The following CADM1 variants were observed in gnomAD, a reference collection of about 807,000 sequenced individuals.
CADM1 encodes the protein cell adhesion molecule 1, also known as TSLC-1.
A neutral mutation model predicts 53.1 loss-of-function variants in CADM1; 15 were observed. The ratio of observed to expected loss-of-function variants is 0.28; its 90% CI spans 0.19 to 0.44. The LOEUF is 0.44. CADM1 is among the 20% of genes least tolerant of loss of function. The pLI is 1.00. For synonymous variants in CADM1, 281 were observed against 243.0 expected (o/e 1.16, Z -1.45); for missense variants, 434 against 611.3 (o/e 0.71, Z 3.06).
At chr11:115,442,793 A>T (rs1302927054) in intron 1 of CADM1, among the ~76,000 whole-genome samples, 2 of 152,162 alleles carry the variant, frequency 1.3e-5, no homozygotes, top group African/African-American at 4.8e-5. Flanking sequence ...GAAACAGGAG[A>T]CTACAGTCAT....
intron 10 of CADM1, among the ~76,000 whole-genome samples, chr11:115,179,720 G>A (rs1364267968): frequency 6.6e-6 from 1 of 151,888 alleles, no homozygotes; most frequent in Non-Finnish European, 1.5e-5. Flanking sequence ...CTAAACCATT[G>A]TCTTTTTTTT....
At chr11:115,220,254 CAAT>C (rs1941356239) in intron 5 of CADM1, among the ~76,000 whole-genome samples, 1 of 152,088 alleles carries the variant, frequency 6.6e-6, no homozygotes, top group African/African-American at 2.4e-5. Flanking sequence ...CAACTTCCAT[CAAT>C]AATAAAGACA....
intron 1 of CADM1, among the ~76,000 whole-genome samples, chr11:115,280,096 T>C (rs753410274): frequency 1.6e-4 from 25 of 152,226 alleles, no homozygotes; most frequent in South Asian, 4.1e-4. Context: ...CAGTTAAGGA[T>C]GTGAATCTTG....
At chr11:115,328,871 G>A (rs774477467) in intron 1 of CADM1, among the ~76,000 whole-genome samples, 14 of 147,496 alleles carry the variant, frequency 9.5e-5, no homozygotes, top group African/African-American at 3.2e-4. Flanking sequence ...AGGAAAGAAA[G>A]AAGAACAGTT....
At chr11:115,374,861 G>C (rs531727359) in intron 1 of CADM1, among the ~76,000 whole-genome samples, 3 of 135,180 alleles carry the variant, frequency 2.2e-5, no homozygotes, top group African/African-American at 5.3e-5. Context: ...AAAACTTGGC[G>C]TGCTAATCAA....
intron 1 of CADM1, among the ~76,000 whole-genome samples, chr11:115,273,591 A>G (rs1943363440): frequency 6.6e-6 from 1 of 152,210 alleles, no homozygotes. Flanking sequence ...TGCCAGTTAC[A>G]AAAATAAATT....
intron 1 of CADM1, among the ~76,000 whole-genome samples, chr11:115,329,211 T>TC (rs1237607817): frequency 8.5e-5 from 13 of 152,128 alleles, no homozygotes; most frequent in African/African-American, 2.9e-4. Context: ...GATTAATAAT[T>TC]AGAAAGTGTA....
chr11:115,242,940 T>A lies in CADM1; in HGVS notation c.125-2520A>T, dbSNP rs149906922. ...CTTTATTGAAATCCTAAGGCTAGCA[T>A]ATTCTGAGAGTAGAATACTCCACTC... On this transcript the variant is annotated intron_variant, in intron 1 of 11. Coordinates refer to ENST00000331581, the MANE Select transcript of CADM1 (RefSeq NM_001301043.2). Among the ~76,000 whole-genome samples the A allele has an allele frequency of 7.5e-3, 1,150 of 152,318 alleles. 44 individuals carry two copies. The highest frequency in any genetic ancestry group is 0.063 in the Admixed American group (962 of 15,300).
In CADM1 at chr11:115,456,857, C is replaced by T. The variant is rs565201291; in HGVS notation, c.124+47414G>A. On this transcript the variant is annotated intron_variant, in intron 1 of 11. Transcript: ENST00000331581. The stretch of plus-strand genomic sequence containing the variant: ...AATGTTAAGATTAGGGACACTGGAA[C>T]ATTAACAGGTTCCCAAATAACCAAG... Among the ~76,000 whole-genome samples, 3 of 152,252 alleles carry T rather than the reference C, an allele frequency of 2.0e-5. No individual in the cohort carries two copies. The East Asian group carries it at 5.8e-4, about 29-fold the overall frequency.
At chr11:115,403,345 T>TC in intron 1 of CADM1, among the ~76,000 whole-genome samples, 1 of 152,182 alleles carries the variant, frequency 6.6e-6, no homozygotes, top group African/African-American at 2.4e-5. Context: ...GTCAATGCAA[T>TC]GTGTAATCCT....
At chr11:115,280,853 T>C (rs1943566402) in intron 1 of CADM1, among the ~76,000 whole-genome samples, 1 of 152,328 alleles carries the variant, frequency 6.6e-6, no homozygotes, top group Middle Eastern at 3.4e-3. Context: ...ATTTGGTCTT[T>C]CAGTGATTAA....
At chr11:115,265,268 A>C (rs1943103079) in intron 1 of CADM1, among the ~76,000 whole-genome samples, 1 of 152,154 alleles carries the variant, frequency 6.6e-6, no homozygotes, top group Non-Finnish European at 1.5e-5. Flanking sequence ...TGAGGAAAGG[A>C]AAGAAGTGAC....
chr11:115,344,310 A>G (rs771714301), intron 1 of CADM1, among the ~76,000 whole-genome samples: 2 of 152,062 alleles, frequency 1.3e-5, no homozygotes, highest in Non-Finnish European at 2.9e-5. Context: ...CCCAAACTTC[A>G]ATGTCATATC....
chr11:115,198,543 C>G, intron 8 of CADM1, 105 bp from the exon 9 acceptor site: 1 of 818,450 alleles, frequency 1.2e-6, no homozygotes, highest in Non-Finnish European at 2.0e-6. Flanking sequence ...TATGAGCAAG[C>G]TTTCAAAGAA....
intron 1 of CADM1, among the ~76,000 whole-genome samples, chr11:115,457,629 G>A (rs1052584862): frequency 1.3e-5 from 2 of 152,074 alleles, no homozygotes; most frequent in African/African-American, 4.8e-5. Context: ...TTTATTTAAA[G>A]AGCACTTACA....
intron 8 of CADM1, among the ~76,000 whole-genome samples, chr11:115,204,597 T>C (rs1940591636): frequency 6.6e-6 from 1 of 152,146 alleles, no homozygotes. Flanking sequence ...GCCAGCTGTA[T>C]TTGGAGGAAA....
intron 1 of CADM1, among the ~76,000 whole-genome samples, chr11:115,370,001 C>G (rs767337956): frequency 2.0e-5 from 3 of 152,170 alleles, no homozygotes; most frequent in African/African-American, 4.8e-5. Flanking sequence ...CTTATAAATG[C>G]AGATCTCCCA....
rs142655695 is a variant in CADM1 at position 115,403,519 on chromosome 11, C to T, written c.124+100752G>A. Among the ~76,000 whole-genome samples the T allele has an allele frequency of 2.2e-4, 34 of 152,048 alleles. No individual in the cohort carries two copies. In the East Asian group the frequency reaches 5.2e-3, roughly 23 times the overall value. On this transcript the variant is annotated intron_variant, in intron 1 of 11. Transcript: ENST00000331581. ...TAACATTTGGAGAATCTAGATGAAA[C>T]GTCTATGGGAATTTTTGGCATTGTT...
intron 3 of CADM1, among the ~76,000 whole-genome samples, chr11:115,236,499 A>C (rs1325277730): frequency 6.6e-6 from 1 of 152,204 alleles, no homozygotes; most frequent in African/African-American, 2.4e-5. Flanking sequence ...ACTTCTATAA[A>C]ATACAAGTAG....
Sources: gnomAD v4.1 joint callset for allele counts (sites outside exome capture counted in the v4.1 genomes callset) on GRCh38, gnomAD v4.1.1 for gene constraint, MANE v1.5 for transcripts, NCBI Gene and HGNC (gene_info 2026-07-23, HGNC 2026-07-21) for gene names.